KCNC3: variants seen among roughly 807,000 people sequenced by gnomAD.
KCNC3 encodes voltage-gated potassium channel KCNC3.
Under a neutral mutation model 43.9 loss-of-function variants are expected in KCNC3, and 22 were observed. The observed-to-expected ratio is 0.50, with a 90% CI of 0.36 to 0.72. The LOEUF is 0.72. Ranked by LOEUF, KCNC3 falls within the 30% of genes least tolerant of loss-of-function variation. KCNC3 has a pLI of 0.00. For synonymous variants in KCNC3, 492 were observed against 488.0 expected, an observed-to-expected ratio of 1.01 and a Z score of -0.11; for missense variants, 829 against 1,073.8, an observed-to-expected ratio of 0.77 and a Z score of 3.19.
intron 4 of KCNC3, 68 bp from the exon 5 acceptor site, chr19:50,316,159 G>C (rs533171001): frequency 1.0e-5 from 4 of 401,854 alleles, no homozygotes; most frequent in Non-Finnish European, 1.8e-5. Context: ...CCCCAACACA[G>C]CCTCACTGTT....
chr19:50,329,102 GAGGGGCGGGGACGC>G lies in KCNC3; in HGVS notation c.-34_-21del, dbSNP rs1319370022. ...CAGCATTGGACGGGGGGCGGGGCGG[GAGGGGCGGGGACGC>G]AGGGGCGGGGACACGGGGGGAGAGA... On this transcript the variant is annotated 5_prime_UTR_variant, in exon 1 of 5. Transcript: ENST00000477616. 3 of 561,416 alleles carry G rather than the reference GAGGGGCGGGGACGC, an allele frequency of 5.3e-6. No individual in the cohort carries two copies. Among genetic ancestry groups the G allele is most frequent in the African/African-American group, 2.1e-5 (1 of 48,282 alleles). 34.8% of individuals were successfully genotyped at this position (561,416 alleles called of 1,614,324 possible). A position where few individuals can be genotyped will look rare whatever the true frequency, so the allele number is the denominator to read the frequency against.
intron 4 of KCNC3, among the ~76,000 whole-genome samples, chr19:50,318,541 A>G (rs111533365): frequency 5.3e-4 from 81 of 152,276 alleles, no homozygotes; most frequent in African/African-American, 1.8e-3. Context: ...AAAAGGCCAG[A>G]TAGTAAATCT....
At chr19:50,321,966 C>G (rs1022966698) in intron 2 of KCNC3, among the ~76,000 whole-genome samples, 4 of 151,790 alleles carry the variant, frequency 2.6e-5, no homozygotes, top group African/African-American at 9.7e-5. Flanking sequence ...GAGTGCTGGG[C>G]TCTGGGAAGG....
chr19:50,315,035 A>G lies in KCNC3; in HGVS notation c.*1080T>C, dbSNP rs2036929463. On this transcript the variant is annotated 3_prime_UTR_variant, in exon 5 of 5. Transcript: ENST00000477616. ...GCAGACACAGGGGGGAAGCACGAAG[A>G]TGGGGTGCAGGGAAGGGTCAGACAG... The G allele has an allele frequency of 1.2e-5, 3 of 242,428 alleles. No individual in the cohort carries two copies. Among genetic ancestry groups the G allele is most frequent in the Non-Finnish European group, 2.5e-5 (3 of 121,102 alleles). The allele number at this position is 242,428 out of a possible 1,614,324, so 15.0% of individuals were successfully genotyped here.
At chr19:50,321,851 G>T (rs1270181900) in intron 2 of KCNC3, among the ~76,000 whole-genome samples, 1 of 151,894 alleles carries the variant, frequency 6.6e-6, no homozygotes, top group Admixed American at 6.6e-5. Context: ...GTGTTGGGGG[G>T]TGGTTGGCTG....
chr19:50,331,092 CT>C (rs1357708885), upstream of KCNC3, among the ~76,000 whole-genome samples: 1 of 150,408 alleles, frequency 6.6e-6, no homozygotes, highest in Non-Finnish European at 1.5e-5. Context: ...CTTGGCGTCT[CT>C]TTTTCTCCCT....
intron 2 of KCNC3, among the ~76,000 whole-genome samples, chr19:50,321,196 A>G (rs776407253): frequency 1.3e-4 from 20 of 151,980 alleles, no homozygotes; most frequent in Non-Finnish European, 2.2e-4. Flanking sequence ...AGCTGGCCAC[A>G]TTGGCTCATG....
At chr19:50,327,873 C>A (rs1287126248) in intron 1 of KCNC3, among the ~76,000 whole-genome samples, 1 of 150,786 alleles carries the variant, frequency 6.6e-6, no homozygotes, top group Non-Finnish European at 1.5e-5. Flanking sequence ...CAGAGGAGCC[C>A]AGGAAAGGTG....
intron 4 of KCNC3, among the ~76,000 whole-genome samples, chr19:50,318,931 T>C (rs2036990775): frequency 7.0e-6 from 1 of 142,510 alleles, no homozygotes; most frequent in South Asian, 2.2e-4. Context: ...GAGGCGGAGG[T>C]TGCAGTGAGC....
chr19:50,332,958 G>A (rs1426421648), upstream of KCNC3, among the ~76,000 whole-genome samples: 1 of 151,980 alleles, frequency 6.6e-6, no homozygotes, highest in African/African-American at 2.4e-5. This position sits in a 1 kb window ranked among gnomAD's most constrained non-coding sequence, Gnocchi z 5.8. Flanking sequence ...GGTTCCATTC[G>A]GAGCCTTGGT....
Position 50,315,953 on chromosome 19 carries a change from C to T in KCNC3, c.*162G>A, listed in dbSNP as rs1246066591. 5.8e-6 allele frequency: 2 copies of T among 343,264 alleles called. No homozygotes were observed. Among genetic ancestry groups the T allele is most frequent in the Non-Finnish European group, 1.1e-5 (2 of 181,088 alleles). 21.3% of individuals were successfully genotyped at this position (343,264 alleles called of 1,614,324 possible). Reference sequence around the variant, plus strand: ...CTGTCTGGACAAAAGGTGTCTTGATCGTAGGAGGGAGGGCTTGGGGGGAGA... The same window carrying T: ...CTGTCTGGACAAAAGGTGTCTTGATTGTAGGAGGGAGGGCTTGGGGGGAGA... On this transcript the variant is annotated 3_prime_UTR_variant, in exon 5 of 5. Transcript: ENST00000477616.
intron 4 of KCNC3, among the ~76,000 whole-genome samples, chr19:50,319,196 C>T (rs1275740786): frequency 2.0e-5 from 3 of 152,068 alleles, no homozygotes; most frequent in Non-Finnish European, 4.4e-5. Flanking sequence ...ATCCCCCTCA[C>T]TTCTGCATGG....
At chr19:50,329,745 GGGACAGGCT>G (rs1322008781), upstream of KCNC3, 2 of 152,532 alleles carry the variant, frequency 1.3e-5, no homozygotes, top group Non-Finnish European at 1.5e-5. Flanking sequence ...CCGCGCAAGG[GGGACAGGCT>G]GGACTGAAAG....
At chr19:50,327,150 G>A (rs1035518889) in intron 1 of KCNC3, among the ~76,000 whole-genome samples, 1 of 152,062 alleles carries the variant, frequency 6.6e-6, no homozygotes, top group Admixed American at 6.6e-5. Flanking sequence ...AGAGTGCACT[G>A]TGCAGTTAAA....
rs771812919 is a variant in KCNC3 at position 50,320,583 on chromosome 19, G to C, written c.2170+10C>G. ...AGGGTCCCAGGGGATCAGTAGGGGGGGCACCTCACCTTTTCGGATGGAGCC... is the reference window on the plus strand; with the variant it reads ...AGGGTCCCAGGGGATCAGTAGGGGGCGCACCTCACCTTTTCGGATGGAGCC... On this transcript the variant is annotated intron_variant, in intron 3 of 4. Transcript: ENST00000477616. 30 of 1,609,252 alleles carry C rather than the reference G, an allele frequency of 1.9e-5. 1 individual carries two copies. The highest frequency in any genetic ancestry group is 1.3e-5 in the Non-Finnish European group (15 of 1,178,594).
Position 50,323,096 on chromosome 19 carries a change from C to A in KCNC3, c.1857G>T (p.Thr619=). ...CTCCCCCCCTGAGCAGCCCGGGGTG[C>A]GTGTGGGGCCCCGCTGGGTAGGCCC... ...VAGAYPAGPH[T]HPGLLRGGAG... is the part of the protein sequence containing the mutation. Residue 619 remains threonine (T), a synonymous_variant, in exon 2 of 5, where the codon ACG becomes ACT. Transcript: ENST00000477616. The A allele has an allele frequency of 6.5e-7, 1 of 1,539,418 alleles. No homozygotes were observed. The highest frequency in any genetic ancestry group is 8.7e-7 in the Non-Finnish European group (1 of 1,144,306).
Position 50,315,950 on chromosome 19 carries a change from G to A in KCNC3, c.*165C>T. 2.9e-6 allele frequency: 1 copy of A among 349,828 alleles called. No individual in the cohort carries two copies. Among genetic ancestry groups the A allele is most frequent in the Non-Finnish European group, 5.4e-6 (1 of 183,944 alleles). The allele number at this position is 349,828 out of a possible 1,614,324, so 21.7% of individuals were successfully genotyped here. On this transcript the variant is annotated 3_prime_UTR_variant, in exon 5 of 5. Coordinates refer to ENST00000477616, the MANE Select transcript of KCNC3 (RefSeq NM_004977.3). ...GAGCTGTCTGGACAAAAGGTGTCTT[G>A]ATCGTAGGAGGGAGGGCTTGGGGGG...
In KCNC3 at chr19:50,314,248, C is replaced by T. The variant is rs911450706; in HGVS notation, c.*1867G>A. The stretch of plus-strand genomic sequence containing the variant: ...CCGCCCTCCCGCCACCTGAGCTCAA[C>T]TCCGATCTGGGGCTTGGGTAACTGT... On this transcript the variant is annotated 3_prime_UTR_variant, in exon 5 of 5. Transcript: ENST00000477616. The T allele has an allele frequency of 7.2e-6, 1 of 138,322 alleles. No individual in the cohort carries two copies. The highest frequency in any genetic ancestry group is 2.6e-5 in the African/African-American group (1 of 38,454). 8.6% of individuals were successfully genotyped at this position (138,322 alleles called of 1,614,324 possible).
In KCNC3 at chr19:50,316,006, C is replaced by G; in HGVS notation, c.*109G>C. The G allele has an allele frequency of 2.5e-6, 1 of 392,422 alleles. No individual in the cohort carries two copies. Among genetic ancestry groups the G allele is most frequent in the South Asian group, 1.3e-4 (1 of 7,520 alleles). 24.3% of individuals were successfully genotyped at this position (392,422 alleles called of 1,614,324 possible). A position where few individuals can be genotyped will look rare whatever the true frequency, so the allele number is the denominator to read the frequency against. ...TGAAGCCCAGTGTCTTGGGGACACC[C>G]CCTCCCAGCCATTCCCAATTGCTAA... On this transcript the variant is annotated 3_prime_UTR_variant, in exon 5 of 5. Coordinates refer to ENST00000477616, the MANE Select transcript of KCNC3 (RefSeq NM_004977.3).
Sources: allele counts gnomAD v4.1 joint callset (sites outside exome capture counted in the v4.1 genomes callset), GRCh38; gene constraint gnomAD v4.1.1; non-coding constraint Gnocchi (gnomAD v3.1); transcripts MANE v1.5; gene names NCBI Gene and HGNC (gene_info 2026-07-23, HGNC 2026-07-21).